CNTN4: variants seen among roughly 807,000 people sequenced by gnomAD.
CNTN4 encodes the protein contactin-4.
A neutral mutation model predicts 122.5 loss-of-function variants in CNTN4; 77 were observed. The ratio of observed to expected loss-of-function variants is 0.63; its 90% CI spans 0.52 to 0.76. The LOEUF (loss-of-function observed/expected upper bound fraction) is 0.76, where lower values mean the gene tolerates loss of function less well. Ranked by LOEUF, CNTN4 falls within the 30% of genes least tolerant of loss-of-function variation. CNTN4 has a pLI of 0.00. For missense variants in CNTN4, 1,256 were observed against 1,259.1 expected (o/e 1.00, Z 0.04); for synonymous variants, 512 against 447.0 (o/e 1.15, Z -1.83).
chr3:2,989,639 T>A (rs1050746112), intron 14 of CNTN4, among the ~76,000 whole-genome samples: 1 of 152,200 alleles, frequency 6.6e-6, no homozygotes, highest in Admixed American at 6.5e-5. Flanking sequence ...GAGTTAGAAC[T>A]AAATATATGT....
At chr3:2,281,301 A>G (rs755254292) in intron 2 of CNTN4, among the ~76,000 whole-genome samples, 3 of 152,084 alleles carry the variant, frequency 2.0e-5, no homozygotes, top group Non-Finnish European at 2.9e-5. Context: ...GATGATGACA[A>G]TTCTTTCCAT....
chr3:2,543,049 C>T (rs2078097307), intron 3 of CNTN4, among the ~76,000 whole-genome samples: 1 of 152,132 alleles, frequency 6.6e-6, no homozygotes, highest in Admixed American at 6.5e-5. Flanking sequence ...TATACATGGA[C>T]ATGCCATAGG....
chr3:2,850,604 A>C (rs1577050922), intron 7 of CNTN4, among the ~76,000 whole-genome samples: 1 of 152,152 alleles, frequency 6.6e-6, no homozygotes, highest in African/African-American at 2.4e-5. Flanking sequence ...GTTGCTTTCA[A>C]AACTCCCCCG....
At chr3:2,812,641 C>A (rs1260143156) in intron 6 of CNTN4, among the ~76,000 whole-genome samples, 2 of 151,812 alleles carry the variant, frequency 1.3e-5, no homozygotes, top group African/African-American at 2.4e-5. Flanking sequence ...GGTGGAAGTT[C>A]TCCCAGTGAG....
intron 14 of CNTN4, among the ~76,000 whole-genome samples, chr3:2,990,612 G>A (rs1488741031): frequency 6.6e-6 from 1 of 152,162 alleles, no homozygotes; most frequent in Non-Finnish European, 1.5e-5. Flanking sequence ...GATACCACAA[G>A]CCCCAGGACA....
intron 3 of CNTN4, among the ~76,000 whole-genome samples, chr3:2,436,302 A>G (rs997649147): frequency 7.2e-5 from 11 of 152,252 alleles, no homozygotes; most frequent in African/African-American, 2.6e-4. Flanking sequence ...AATGCCATCC[A>G]TGTGTAAAAG....
At chr3:2,941,382 C>A (rs2094613524) in intron 13 of CNTN4, among the ~76,000 whole-genome samples, 1 of 152,118 alleles carries the variant, frequency 6.6e-6, no homozygotes, top group African/African-American at 2.4e-5. Flanking sequence ...GTACAGGATT[C>A]TCCCCTGAGC....
At chr3:3,053,550 C>T (rs1249605233) in intron 23 of CNTN4, among the ~76,000 whole-genome samples, 1 of 152,178 alleles carries the variant, frequency 6.6e-6, no homozygotes, top group African/African-American at 2.4e-5. Context: ...AACTGAGCCT[C>T]CGAGAGGCTA....
intron 3 of CNTN4, among the ~76,000 whole-genome samples, chr3:2,557,121 C>T (rs2078752167): frequency 6.6e-6 from 1 of 152,102 alleles, no homozygotes; most frequent in South Asian, 2.1e-4. Context: ...GGATTCTATC[C>T]TCAGATTTTT....
chr3:2,409,823 T>C (rs1049187001), intron 3 of CNTN4, among the ~76,000 whole-genome samples: 1 of 152,098 alleles, frequency 6.6e-6, no homozygotes, highest in Admixed American at 6.5e-5. Flanking sequence ...TGTCCATGTA[T>C]ACATAAAATT....
intron 6 of CNTN4, among the ~76,000 whole-genome samples, chr3:2,814,535 GA>G (rs938407368): frequency 2.0e-5 from 3 of 152,074 alleles, no homozygotes; most frequent in African/African-American, 7.2e-5. Flanking sequence ...TAGAAGATTT[GA>G]AACCAAAGTA....
chr3:3,041,864 G>A (rs1700194533), intron 20 of CNTN4, among the ~76,000 whole-genome samples: 2 of 152,184 alleles, frequency 1.3e-5, no homozygotes, highest in African/African-American at 4.8e-5. Context: ...GGAGGCTGAG[G>A]CGGGAGGATG....
At chr3:2,230,557 T>C (rs1040483676) in intron 2 of CNTN4, among the ~76,000 whole-genome samples, 16 of 152,290 alleles carry the variant, frequency 1.1e-4, no homozygotes, top group African/African-American at 3.9e-4. Context: ...GTACCAATAA[T>C]ATGGGTTCTT....
At chr3:2,372,965 T>A (rs1443546301) in intron 3 of CNTN4, among the ~76,000 whole-genome samples, 1 of 152,114 alleles carries the variant, frequency 6.6e-6, no homozygotes, top group Non-Finnish European at 1.5e-5. Context: ...AAGAATCACT[T>A]GAACCTGGGA....
rs2032600757 is a variant in CNTN4, at chr3:2,108,069, T to C, written c.-145+7430T>C. On this transcript the variant is annotated intron_variant, in intron 2 of 24. Coordinates refer to ENST00000418658, the MANE Select transcript of CNTN4 (RefSeq NM_175607.3). Reference sequence around the variant, plus strand: ...TGGTCCCTCCTGGATGATGCTTTCTTTTCCAGCATCACTTCCCTGTTCCTA... The same window carrying C: ...TGGTCCCTCCTGGATGATGCTTTCTCTTCCAGCATCACTTCCCTGTTCCTA... Among the ~76,000 whole-genome samples, 4 of 152,176 alleles carry C rather than the reference T, an allele frequency of 2.6e-5. No homozygotes were observed. The South Asian group carries it at 8.3e-4, about 32-fold the overall frequency.
intron 7 of CNTN4, among the ~76,000 whole-genome samples, chr3:2,847,793 G>T (rs893913090): frequency 2.0e-5 from 3 of 152,184 alleles, no homozygotes; most frequent in African/African-American, 4.8e-5. Context: ...CATCAGAACA[G>T]ATCATTTATA....
rs571034054 is a variant in CNTN4 at position 2,507,146 on chromosome 3, A to C, written c.-88-64270A>C. Among the ~76,000 whole-genome samples the C allele has an allele frequency of 5.3e-5, 8 of 152,264 alleles. No homozygotes were observed. In the South Asian group the frequency reaches 1.7e-3, roughly 32 times the overall value. On this transcript the variant is annotated intron_variant, in intron 3 of 24. Coordinates refer to ENST00000418658, the MANE Select transcript of CNTN4 (RefSeq NM_175607.3). Reference sequence around the variant, plus strand: ...TTATACTTAGTCGGGTTTTAATCTCAGCACTCAGTTCTTCGGTATTCCAAC... The same window carrying C: ...TTATACTTAGTCGGGTTTTAATCTCCGCACTCAGTTCTTCGGTATTCCAAC...
At chr3:2,799,047 A>G (rs1201350494) in intron 6 of CNTN4, among the ~76,000 whole-genome samples, 56 of 152,196 alleles carry the variant, frequency 3.7e-4, no homozygotes, top group Admixed American at 3.6e-3. Flanking sequence ...TGGTTGTAAG[A>G]TGATATCTCA....
chr3:2,323,439 A>T (rs1153481), intron 2 of CNTN4, among the ~76,000 whole-genome samples: 6 of 152,008 alleles, frequency 3.9e-5, no homozygotes, highest in South Asian at 4.1e-4. Context: ...TGCTGCTTCA[A>T]GTTTACTTAA....
Sources: allele counts gnomAD v4.1 joint callset (sites outside exome capture counted in the v4.1 genomes callset), GRCh38; gene constraint gnomAD v4.1.1; transcripts MANE v1.5; gene names NCBI Gene and HGNC (gene_info 2026-07-23, HGNC 2026-07-21).